Variants in TRAPPC8 observed in about 807,000 individuals in gnomAD.
The protein encoded by TRAPPC8 is general sporulation gene 1 homolog.
A neutral mutation model predicts 174.3 loss-of-function variants in TRAPPC8; 54 were observed. The ratio of observed to expected loss-of-function variants is 0.31; its 90% confidence interval spans 0.25 to 0.39. The LOEUF is 0.39. Ranked by LOEUF, TRAPPC8 falls within the 10% of genes least tolerant of loss-of-function variation. The probability of loss-of-function intolerance (pLI) is 1.00; values close to 1 mark genes in which losing one functional copy is unlikely to be tolerated. For synonymous variants in TRAPPC8, 630 were observed against 579.9 expected (o/e 1.09, Z -1.24); for missense variants, 1,531 against 1,699.1 (o/e 0.90, Z 1.74).
chr18:31,858,619 C>CA (rs2034159062), intron 19 of TRAPPC8, among the ~76,000 whole-genome samples: 1 of 152,142 alleles, frequency 6.6e-6, no homozygotes. Flanking sequence ...GGTGCTGCCA[C>CA]AAAGCAATGG....
Position 31,928,177 on chromosome 18 carries a change from A to AT in TRAPPC8, c.352+3151dup, listed in dbSNP as rs1190202500. Among the ~76,000 whole-genome samples the AT allele has an allele frequency of 6.2e-3, 943 of 151,588 alleles. 17 individuals are homozygous for AT. The highest frequency in any genetic ancestry group is 0.022 in the African/African-American group (903 of 41,414). Reference sequence around the variant, plus strand: ...ACTAAAAAAAATAAAATAAAATAAAATAAAATAAAATTAAAATTAAATAAA... The same window carrying AT: ...ACTAAAAAAAATAAAATAAAATAAAATTAAAATAAAATTAAAATTAAATAAA... On this transcript the variant is annotated intron_variant, in intron 2 of 28. Transcript: ENST00000283351.
intron 27 of TRAPPC8, among the ~76,000 whole-genome samples, chr18:31,833,662 C>A (rs1268374253): frequency 1.3e-5 from 2 of 152,276 alleles, no homozygotes; most frequent in South Asian, 4.1e-4. Context: ...ACCTGCTGGG[C>A]CTACTCTCAG....
intron 2 of TRAPPC8, chr18:31,926,518 G>A (rs2037623620): frequency 6.6e-6 from 1 of 151,978 alleles, no homozygotes; most frequent in Non-Finnish European, 1.5e-5. Flanking sequence ...GTCCAAGCTG[G>A]AGTGCAACGG....
chr18:31,938,197 CTTGA>C (rs888723301), intron 1 of TRAPPC8, among the ~76,000 whole-genome samples: 8 of 150,664 alleles, frequency 5.3e-5, no homozygotes, highest in East Asian at 1.9e-4. Context: ...TTGTTGTTTG[CTTGA>C]TTAATTAATA....
rs536131362 is a variant in TRAPPC8, at chr18:31,837,423, G to A, written c.3983+1889C>T. Among the ~76,000 whole-genome samples the A allele has an allele frequency of 2.0e-4, 30 of 152,290 alleles. No homozygotes were observed. The South Asian group carries it at 2.1e-3, about 11-fold the overall frequency. ...ATCAGAAACTATTCTATGGCTGAGC[G>A]TGGTGGCTCACGCCTGTGATCCCAG... is the stretch of plus-strand genomic sequence containing the variant. On this transcript the variant is annotated intron_variant, in intron 27 of 28. Coordinates refer to ENST00000283351, the MANE Select transcript of TRAPPC8 (RefSeq NM_014939.5).
intron 27 of TRAPPC8, among the ~76,000 whole-genome samples, chr18:31,838,176 T>C (rs576688063): frequency 2.0e-5 from 3 of 152,320 alleles, no homozygotes; most frequent in East Asian, 3.9e-4. Flanking sequence ...AAAGTCACTG[T>C]CAAGGTCTTA....
At position 31,913,477 on chromosome 18, in the gene TRAPPC8, C is replaced by T; in HGVS notation, c.663G>A (p.Gln221=). 1 of 1,608,926 alleles carries T rather than the reference C, an allele frequency of 6.2e-7. No homozygotes were observed. The highest frequency in any genetic ancestry group is 1.7e-4 in the Middle Eastern group (1 of 5,726). The change falls in exon 5 of 29, where the codon CAG becomes CAA. Residue 221 remains glutamine (Q), a synonymous_variant. Coordinates refer to ENST00000283351, the MANE Select transcript of TRAPPC8 (RefSeq NM_014939.5). The part of the protein sequence containing the change: ...YEEMKQKYGT[Q]GCYLLKINSR... ...AATTAATTTTAAGTAAATAGCAACC[C>T]TGAGTTCCATATTTCTGTTTCATTT...
At chr18:31,858,076 A>G in intron 19 of TRAPPC8, 94 bp from the exon 20 acceptor site, 1 of 979,948 alleles carries the variant, frequency 1.0e-6, no homozygotes, top group Non-Finnish European at 1.5e-6. Flanking sequence ...TTTTTTTACC[A>G]AAGGTTTACA....
intron 2 of TRAPPC8, among the ~76,000 whole-genome samples, chr18:31,923,050 C>G (rs1401108908): frequency 1.3e-5 from 2 of 152,126 alleles, no homozygotes; most frequent in Non-Finnish European, 2.9e-5. Flanking sequence ...GCAGAATGTA[C>G]TGTTTTACCT....
chr18:31,937,475 G>A (rs1357290166), intron 1 of TRAPPC8: 1 of 151,226 alleles, frequency 6.6e-6, no homozygotes, highest in African/African-American at 2.4e-5. Context: ...GCTATAGTGA[G>A]CCACGGAGTT....
chr18:31,928,169 A>AAATT (rs2037700940), intron 2 of TRAPPC8, among the ~76,000 whole-genome samples: 3 of 150,996 alleles, frequency 2.0e-5, no homozygotes, highest in African/African-American at 4.9e-5. Flanking sequence ...AAAATAAAAT[A>AAATT]AAATAAAATA....
intron 12 of TRAPPC8, among the ~76,000 whole-genome samples, chr18:31,886,868 C>T (rs2035742655): frequency 6.6e-6 from 1 of 152,088 alleles, no homozygotes; most frequent in Non-Finnish European, 1.5e-5. Context: ...GTAGTCCCAG[C>T]TACTCAGGAG....
chr18:31,915,864 G>A (rs549381187), intron 4 of TRAPPC8, among the ~76,000 whole-genome samples: 32 of 148,034 alleles, frequency 2.2e-4, no homozygotes, highest in South Asian at 4.3e-4. Flanking sequence ...TCCAGCCTGG[G>A]CGACAGAGTG....
intron 7 of TRAPPC8, among the ~76,000 whole-genome samples, 160 bp downstream of exon 7, chr18:31,908,594 G>C (rs1470262769): frequency 1.3e-5 from 2 of 152,104 alleles, no homozygotes; most frequent in African/African-American, 4.8e-5. Context: ...GCCTCTTCTA[G>C]AGTTGAACAG....
At chr18:31,863,232 G>A (rs949798245) in intron 19 of TRAPPC8, among the ~76,000 whole-genome samples, 1 of 152,104 alleles carries the variant, frequency 6.6e-6, no homozygotes, top group Non-Finnish European at 1.5e-5. Flanking sequence ...TATCCAGAAT[G>A]ACACAGATGT....
chr18:31,873,532 TTACATTCTGAGAGAA>T lies in TRAPPC8; in HGVS notation c.1954-9_1959del, dbSNP rs765112285. On this transcript the variant is annotated splice_acceptor_variant and splice_polypyrimidine_tract_variant and coding_sequence_variant and intron_variant, in exon 14 of 29. Transcript: ENST00000283351. LOFTEE classifies it high-confidence loss of function. ...AAAGGACCATCTGGTGACAGCTGAC[TTACATTCTGAGAGAA>T]ATATAAAAGGGAAAAAAAGTAGTTT... 1 of 1,608,194 alleles carries T rather than the reference TTACATTCTGAGAGAA, an allele frequency of 6.2e-7. No homozygotes were observed. Among genetic ancestry groups the T allele is most frequent in the South Asian group, 1.1e-5 (1 of 89,528 alleles).
intron 4 of TRAPPC8, among the ~76,000 whole-genome samples, chr18:31,915,226 T>C (rs2037079214): frequency 6.6e-6 from 1 of 152,152 alleles, no homozygotes; most frequent in Non-Finnish European, 1.5e-5. Flanking sequence ...CCTACCACTT[T>C]GGGAGGCCAA....
intron 11 of TRAPPC8, chr18:31,891,306 T>C (rs1410683286): frequency 1.3e-5 from 2 of 152,282 alleles, no homozygotes; most frequent in Non-Finnish European, 2.9e-5. Flanking sequence ...TGTACATAGA[T>C]TATGAAATAT....
chr18:31,879,338 C>T (rs2035307872), intron 12 of TRAPPC8, among the ~76,000 whole-genome samples: 2 of 152,050 alleles, frequency 1.3e-5, no homozygotes, highest in Admixed American at 6.6e-5. Flanking sequence ...CAAAACCATA[C>T]GAGTACATGG....
Sources: allele counts gnomAD v4.1 joint callset (sites outside exome capture counted in the v4.1 genomes callset), GRCh38; gene constraint gnomAD v4.1.1; transcripts MANE v1.5; gene names NCBI Gene and HGNC (gene_info 2026-07-23, HGNC 2026-07-21).